CC2D2A: variants seen among roughly 807,000 people sequenced by gnomAD.
CC2D2A encodes coiled-coil and C2 domain-containing protein 2A.
A neutral mutation model predicts 212.9 loss-of-function variants in CC2D2A; 155 were observed. That is an observed-to-expected ratio of 0.73 (90% CI 0.64 to 0.83). The LOEUF (loss-of-function observed/expected upper bound fraction) is 0.83, where lower values mean the gene tolerates loss of function less well. CC2D2A is among the 40% of genes least tolerant of loss of function. The pLI is 0.00. For synonymous variants in CC2D2A, 667 were observed against 686.5 expected (o/e 0.97, Z 0.44); for missense variants, 1,856 against 1,956.2 (o/e 0.95, Z 0.97).
chr4:15,502,398 A>AT (rs1716006231), intron 4 of CC2D2A, 31 bp from the exon 5 acceptor site: 1 of 1,416,456 alleles, frequency 7.1e-7, no homozygotes, highest in African/African-American at 1.6e-5. Flanking sequence ...TTTTTTTTTT[A>AT]TTTTGTTTTG....
chr4:15,540,871 C>A lies in CC2D2A; in HGVS notation c.2038C>A (p.Arg680Ser), dbSNP rs748642162. The change falls in exon 17 of 37, where the codon CGC becomes AGC. Residue 680 changes from arginine (R) to serine (S), a missense_variant. Around this residue, in one of 5 missense-constraint regions of CC2D2A, gnomAD observed 1,512 missense variants for 1,579.3 expected, o/e 0.96. Transcript: ENST00000424120. Reference sequence around the variant, plus strand: ...CTCGAGAAGGGAGGATGTAAAGAAGCGCTCAGTGTACTTAAAAGTGCTGTT... The same window carrying A: ...CTCGAGAAGGGAGGATGTAAAGAAGAGCTCAGTGTACTTAAAAGTGCTGTT... Reference protein sequence around the residue: ...EVSRREDVKKRSVYLKVLFNN... With the variant: ...EVSRREDVKKSSVYLKVLFNN... 10 of 1,599,918 alleles carry A rather than the reference C, an allele frequency of 6.3e-6. No individual in the cohort carries two copies. The highest frequency in any genetic ancestry group is 4.5e-5 in the East Asian group (2 of 44,394).
chr4:15,586,343 C>A, intron 31 of CC2D2A, 97 bp downstream of exon 31: 1 of 693,556 alleles, frequency 1.4e-6, no homozygotes, highest in Non-Finnish European at 2.3e-6. Flanking sequence ...CATTCATTAG[C>A]CATAAAAATC....
chr4:15,493,074 A>G, intron 4 of CC2D2A: 1 of 362,886 alleles, frequency 2.8e-6, no homozygotes, highest in Non-Finnish European at 5.3e-6. Context: ...TGGGTTCCCC[A>G]TTTCTGCTCT....
chr4:15,505,684 C>A (rs1716217174), intron 6 of CC2D2A, among the ~76,000 whole-genome samples: 1 of 152,212 alleles, frequency 6.6e-6, no homozygotes, highest in African/African-American at 2.4e-5. Context: ...TTTCTTTGAT[C>A]TGACGCCCAA....
At chr4:15,497,089 G>T (rs1429179566) in intron 4 of CC2D2A, among the ~76,000 whole-genome samples, 1 of 152,158 alleles carries the variant, frequency 6.6e-6, no homozygotes, top group Non-Finnish European at 1.5e-5. Context: ...AAGCAAAAAT[G>T]AGCCCAAATA....
intron 27 of CC2D2A, among the ~76,000 whole-genome samples, chr4:15,569,924 C>A (rs1720078711): frequency 1.3e-5 from 2 of 152,094 alleles, no homozygotes; most frequent in African/African-American, 4.8e-5. Context: ...GGAATGCAGC[C>A]CAGCAAGTCC....
intron 15 of CC2D2A, among the ~76,000 whole-genome samples, chr4:15,537,278 T>C (rs1718183241): frequency 6.6e-6 from 1 of 152,198 alleles, no homozygotes; most frequent in African/African-American, 2.4e-5. Flanking sequence ...GCCACCCAGC[T>C]GACTGATACC....
intron 4 of CC2D2A, among the ~76,000 whole-genome samples, chr4:15,499,016 T>C (rs1715773581): frequency 6.6e-6 from 1 of 152,166 alleles, no homozygotes; most frequent in Non-Finnish European, 1.5e-5. Flanking sequence ...AGACCTGATT[T>C]GGAAATCTTT....
chr4:15,510,695 A>G (rs1488575524), intron 7 of CC2D2A, among the ~76,000 whole-genome samples: 1 of 152,228 alleles, frequency 6.6e-6, no homozygotes, highest in Non-Finnish European at 1.5e-5. Flanking sequence ...CTTTCATACT[A>G]ACTGGAGAGA....
At chr4:15,578,816 G>GTTT (rs955948583) in intron 29 of CC2D2A, among the ~76,000 whole-genome samples, 13 of 118,970 alleles carry the variant, frequency 1.1e-4, no homozygotes, top group East Asian at 2.1e-4. Context: ...TTGTTTGTTT[G>GTTT]TTTTTAATAG....
intron 13 of CC2D2A, among the ~76,000 whole-genome samples, chr4:15,530,814 C>A (rs1327688201): frequency 6.6e-6 from 1 of 152,026 alleles, no homozygotes; most frequent in African/African-American, 2.4e-5. Flanking sequence ...CCCGAGAACT[C>A]CCCACCTCAA....
At chr4:15,543,409 A>G (rs1718559019) in intron 17 of CC2D2A, among the ~76,000 whole-genome samples, 1 of 152,174 alleles carries the variant, frequency 6.6e-6, no homozygotes, top group Non-Finnish European at 1.5e-5. Flanking sequence ...ATGGTTTTAG[A>G]AAGGGGATTG....
chr4:15,500,251 C>G (rs924830618), intron 4 of CC2D2A, among the ~76,000 whole-genome samples: 21 of 151,880 alleles, frequency 1.4e-4, no homozygotes, highest in Non-Finnish European at 7.4e-5. Flanking sequence ...TACATATGCT[C>G]CATTATAATC....
At chr4:15,520,176 G>C (rs922616958) in intron 11 of CC2D2A, among the ~76,000 whole-genome samples, 1 of 151,748 alleles carries the variant, frequency 6.6e-6, no homozygotes, top group Non-Finnish European at 1.5e-5. Context: ...TTCCTCATAG[G>C]GTCATGATGA....
chr4:15,568,575 G>A (rs1196508357), intron 26 of CC2D2A, among the ~76,000 whole-genome samples: 5 of 152,220 alleles, frequency 3.3e-5, no homozygotes, highest in Non-Finnish European at 7.3e-5. Context: ...GCGAGAGAGC[G>A]AGACTCTGTC....
chr4:15,546,504 C>G (rs1038335560), intron 17 of CC2D2A, among the ~76,000 whole-genome samples: 1 of 152,184 alleles, frequency 6.6e-6, no homozygotes, highest in Admixed American at 6.5e-5. Flanking sequence ...GATGGCCCAG[C>G]TTTCTCTTCT....
intron 13 of CC2D2A, 89 bp downstream of exon 13, chr4:15,528,815 G>A (rs1717659475): frequency 3.6e-6 from 3 of 840,498 alleles, no homozygotes; most frequent in African/African-American, 3.4e-5. Context: ...TTTTCTGAAT[G>A]CAATGAATAC....
chr4:15,587,174 C>A (rs751329571), intron 31 of CC2D2A, among the ~76,000 whole-genome samples: 3 of 152,332 alleles, frequency 2.0e-5, no homozygotes, highest in Middle Eastern at 3.4e-3. Flanking sequence ...AAGGCCTGCA[C>A]GACCTGGATT....
chr4:15,510,323 T>A (rs1397607938), intron 7 of CC2D2A, 83 bp downstream of exon 7: 1 of 1,250,376 alleles, frequency 8.0e-7, no homozygotes. Flanking sequence ...AGGCCGGGTG[T>A]GGTGGCTCAC....
Sources: gnomAD v4.1 joint callset for allele counts (sites outside exome capture counted in the v4.1 genomes callset) on GRCh38, gnomAD v4.1.1 for gene constraint, gnomAD v4.1.1 regional missense constraint, MANE v1.5 for transcripts, NCBI Gene and HGNC (gene_info 2026-07-23, HGNC 2026-07-21) for gene names.